The following TNS4 variants were observed in gnomAD, a reference collection of about 807,000 sequenced individuals.
The protein encoded by TNS4 is tensin-4.
In TNS4, 46 loss-of-function variants were observed where a neutral mutation model predicts 70.4. The ratio of observed to expected loss-of-function variants is 0.65; its 90% CI spans 0.52 to 0.84. The LOEUF is 0.84. TNS4 is among the 40% of genes least tolerant of loss of function. The probability of loss-of-function intolerance (pLI) is 0.00; values close to 1 mark genes in which losing one functional copy is unlikely to be tolerated. For synonymous variants in TNS4, 390 were observed against 366.6 expected, an observed-to-expected ratio of 1.06 and a Z score of -0.73; for missense variants, 863 against 907.0, an observed-to-expected ratio of 0.95 and a Z score of 0.62.
In TNS4 at chr17:40,487,207, G is replaced by A. The variant is rs752336136; in HGVS notation, c.1117C>T (p.Pro373Ser). 19 of 1,614,180 alleles carry A rather than the reference G, an allele frequency of 1.2e-5. No homozygotes were observed. Among genetic ancestry groups the A allele is most frequent in the Non-Finnish European group, 1.7e-6 (2 of 1,180,022 alleles). The change falls in exon 4 of 13, where the codon CCC becomes TCC. Residue 373 changes from proline to serine, a missense_variant. Pro to Ser is a moderately conservative substitution (Grantham distance 74). Transcript: ENST00000254051. ...PSITNSMVDI[P>S]IVLINGCPEP... ...GGGCAGCCGTTGATCAGCACAATGG[G>A]TATGTCCACCATGGAGTTGGTGATG...
At chr17:40,478,751 C>T (rs758201544) in intron 10 of TNS4, 103 bp from the exon 11 acceptor site, 2 of 1,340,342 alleles carry the variant, frequency 1.5e-6, no homozygotes, top group Admixed American at 1.9e-5. Flanking sequence ...CCCTGTCCTC[C>T]AAGAAGTCTC....
At chr17:40,499,297 C>T (rs554749363) in intron 1 of TNS4, among the ~76,000 whole-genome samples, 2 of 152,162 alleles carry the variant, frequency 1.3e-5, no homozygotes, top group African/African-American at 4.8e-5. Context: ...CCCTCTCACA[C>T]GCACCCCCTT....
chr17:40,489,051 T>C, intron 2 of TNS4, 82 bp from the exon 3 acceptor site: 1 of 1,324,120 alleles, frequency 7.6e-7, no homozygotes, highest in Non-Finnish European at 1.0e-6. Context: ...ATCCTCAAGG[T>C]CATTCTGTCC....
At chr17:40,500,819 C>T (rs1251768719) in intron 1 of TNS4, among the ~76,000 whole-genome samples, 3 of 144,712 alleles carry the variant, frequency 2.1e-5, no homozygotes, top group Non-Finnish European at 3.0e-5. Context: ...GACCCGGTGA[C>T]GCAGGACGTG....
Position 40,484,464 on chromosome 17 carries a change from G to A in TNS4, c.1501+20C>T, listed in dbSNP as rs376325462. On this transcript the variant is annotated intron_variant, in intron 6 of 12. Transcript: ENST00000254051. The stretch of plus-strand genomic sequence containing the variant: ...GCTGCCTCAGTGAGGCCTTGAGTGA[G>A]CACAGAGACAGACGCATACCTGGTC... The A allele has an allele frequency of 3.1e-6, 5 of 1,607,286 alleles. 1 individual carries two copies. The South Asian group carries it at 4.4e-5, about 14-fold the overall frequency.
In TNS4 at chr17:40,487,296, C is replaced by T; in HGVS notation, c.1028G>A (p.Gly343Asp). The T allele has an allele frequency of 3.1e-6, 5 of 1,614,118 alleles. No homozygotes were observed. Among genetic ancestry groups the T allele is most frequent in the Non-Finnish European group, 4.2e-6 (5 of 1,180,032 alleles). ...TGGAGAGTGGGGTGTTCTGGGTTGG[C>T]CCATGGTTAGGGTGGGGTTTCTGGG... ...QAPRNPTLTM[G>D]QPRTPHSPPL... Residue 343 changes from glycine to aspartate, a missense_variant, in exon 4 of 13, where the codon GGC becomes GAC. By Grantham distance (94) the Gly-to-Asp change is moderately conservative (BLOSUM62 -1). Transcript: ENST00000254051.
At chr17:40,480,913 T>C in intron 8 of TNS4, 145 bp from the exon 9 acceptor site, 1 of 926,208 alleles carries the variant, frequency 1.1e-6, no homozygotes, top group South Asian at 1.7e-5. Flanking sequence ...CCAGGTGTGA[T>C]TACCGTAATT....
At chr17:40,496,665 C>T (rs1013565941) in intron 1 of TNS4, 145 bp from the exon 2 acceptor site, 5 of 539,158 alleles carry the variant, frequency 9.3e-6, no homozygotes, top group African/African-American at 5.9e-5. Context: ...CTGGCTCCAC[C>T]ACCTACTAGC....
At chr17:40,479,901 C>A in intron 9 of TNS4, 59 bp from the exon 10 acceptor site, 3 of 1,530,736 alleles carry the variant, frequency 2.0e-6, no homozygotes, top group South Asian at 1.2e-5. Flanking sequence ...TCTCCCTCTG[C>A]CCAGGGCCAG....
chr17:40,482,118 C>A lies in TNS4; in HGVS notation c.1672+11G>T, dbSNP rs1567809124. 1 of 1,613,792 alleles carries A rather than the reference C, an allele frequency of 6.2e-7. No homozygotes were observed. The highest frequency in any genetic ancestry group is 8.5e-7 in the Non-Finnish European group (1 of 1,179,854). Reference sequence around the variant, plus strand: ...CCACCTTGGCATTGCCTCTTTGGGGCCCAGACCCACCTCTCTGTGGGATGG... The same window carrying A: ...CCACCTTGGCATTGCCTCTTTGGGGACCAGACCCACCTCTCTGTGGGATGG... On this transcript the variant is annotated intron_variant, in intron 8 of 12. Transcript: ENST00000254051.
chr17:40,475,937 A>C lies in TNS4; in HGVS notation c.*1651T>G, dbSNP rs890087074. 2 of 152,184 alleles carry C rather than the reference A, an allele frequency of 1.3e-5. No individual in the cohort carries two copies. Among genetic ancestry groups the C allele is most frequent in the African/African-American group, 4.8e-5 (2 of 41,420 alleles). 9.4% of individuals were successfully genotyped at this position (152,184 alleles called of 1,614,324 possible). A position where few individuals can be genotyped will look rare whatever the true frequency, so the allele number is the denominator to read the frequency against. On this transcript the variant is annotated 3_prime_UTR_variant, in exon 13 of 13. Coordinates refer to ENST00000254051, the MANE Select transcript of TNS4 (RefSeq NM_032865.6). ...TGGGACTGGGGCCTGTGACCTTGAG[A>C]ACCTCATCTCACATTCTGCAGACTT...
intron 10 of TNS4, 144 bp downstream of exon 10, chr17:40,479,529 TG>T: frequency 1.0e-6 from 1 of 963,556 alleles, no homozygotes; most frequent in Non-Finnish European, 1.5e-6. Flanking sequence ...GGAAGCTGCC[TG>T]GAGTCACTCA....
At chr17:40,480,396 T>C (rs2035906098) in intron 9 of TNS4, among the ~76,000 whole-genome samples, 1 of 152,028 alleles carries the variant, frequency 6.6e-6, no homozygotes, top group South Asian at 2.1e-4. Context: ...AGGGCAGGTT[T>C]CTCAGACCTA....
chr17:40,479,586 C>T, intron 10 of TNS4, 88 bp downstream of exon 10: 1 of 1,510,026 alleles, frequency 6.6e-7, no homozygotes, highest in Non-Finnish European at 8.9e-7. Context: ...TGAACTTGAC[C>T]TTCATCCCTG....
chr17:40,478,800 G>C (rs953531363), intron 10 of TNS4, 152 bp from the exon 11 acceptor site: 30 of 787,550 alleles, frequency 3.8e-5, no homozygotes, highest in Non-Finnish European at 5.7e-5. Flanking sequence ...CTTTCCCACT[G>C]GGGGGCCCTG....
At position 40,487,494 on chromosome 17, in the gene TNS4, G is replaced by A. The variant is rs183044204; in HGVS notation, c.864-34C>T. ...GGAGAGAGTCAGACAGGGTGTTAGG[G>A]CAACAGGTGGCTCAGGGGCTAGAGT... On this transcript the variant is annotated intron_variant, in intron 3 of 12. Transcript: ENST00000254051. The A allele has an allele frequency of 2.1e-3, 3,302 of 1,567,800 alleles. 10 individuals are homozygous for A. The highest frequency in any genetic ancestry group is 2.5e-3 in the Non-Finnish European group (2,866 of 1,154,516).
intron 5 of TNS4, 33 bp from the exon 6 acceptor site, chr17:40,484,642 G>A (rs543660758): frequency 2.5e-6 from 4 of 1,608,484 alleles, no homozygotes; most frequent in African/African-American, 2.7e-5. Context: ...GATGGACACC[G>A]CCCCACCTGG....
chr17:40,498,583 G>A (rs952325177), intron 1 of TNS4, among the ~76,000 whole-genome samples: 2 of 152,126 alleles, frequency 1.3e-5, no homozygotes, highest in Non-Finnish European at 2.9e-5. Flanking sequence ...TTGAGACAAG[G>A]TGTCGCTCTG....
chr17:40,495,115 C>T (rs761057126), intron 2 of TNS4, among the ~76,000 whole-genome samples: 3 of 151,872 alleles, frequency 2.0e-5, no homozygotes, highest in Non-Finnish European at 4.4e-5. Flanking sequence ...CTAAACCCAG[C>T]CATTATGAAT....
Sources: allele counts gnomAD v4.1 joint callset (sites outside exome capture counted in the v4.1 genomes callset), GRCh38; gene constraint gnomAD v4.1.1; transcripts MANE v1.5; gene names NCBI Gene and HGNC (gene_info 2026-07-23, HGNC 2026-07-21).